Variants in TACR3 observed in about 807,000 individuals in gnomAD.
The protein encoded by TACR3 is tachykinin receptor 3.
A neutral mutation model predicts 35.0 loss-of-function variants in TACR3; 34 were observed. That is an observed-to-expected ratio of 0.97 (90% CI 0.74 to 1.30). TACR3 has a LOEUF of 1.30. Ranked by LOEUF, TACR3 falls within the 50% of genes most tolerant of loss-of-function variation. The probability of loss-of-function intolerance (pLI) is 0.00; values close to 1 mark genes in which losing one functional copy is unlikely to be tolerated. For missense variants in TACR3, 558 were observed against 591.7 expected (o/e 0.94, Z 0.59); for synonymous variants, 233 against 221.1 (o/e 1.05, Z -0.48).
At chr4:103,654,201 A>G (rs1218723866) in intron 3 of TACR3, among the ~76,000 whole-genome samples, 2 of 151,844 alleles carry the variant, frequency 1.3e-5, no homozygotes, top group Non-Finnish European at 2.9e-5. Context: ...TACTGGGTAT[A>G]TACCCAAAGG....
At chr4:103,594,803 G>A (rs78169972) in intron 3 of TACR3, among the ~76,000 whole-genome samples, 27 of 152,174 alleles carry the variant, frequency 1.8e-4, no homozygotes, top group Non-Finnish European at 2.6e-4. Context: ...AACTTCTTGC[G>A]AAAGATTTAT....
intron 2 of TACR3, among the ~76,000 whole-genome samples, chr4:103,657,798 C>A (rs57094434): frequency 0.12 from 18,716 of 151,952 alleles, 1,372 homozygotes; most frequent in Non-Finnish European, 0.17. Flanking sequence ...CAAACCAAAT[C>A]AAACCAAAAT....
At chr4:103,620,879 AT>A (rs1342370803) in intron 3 of TACR3, among the ~76,000 whole-genome samples, 1 of 133,622 alleles carries the variant, frequency 7.5e-6, no homozygotes, top group African/African-American at 3.2e-5. Context: ...TGTCTCTAAA[AT>A]AAAAGTTAAA....
At chr4:103,674,327 T>C (rs978072320) in intron 1 of TACR3, among the ~76,000 whole-genome samples, 11 of 151,752 alleles carry the variant, frequency 7.2e-5, no homozygotes, top group Admixed American at 1.3e-4. Flanking sequence ...TTTTTTTTTT[T>C]CTCTGTTGTT....
intron 1 of TACR3, among the ~76,000 whole-genome samples, chr4:103,715,797 G>A (rs908390714): frequency 4.6e-5 from 7 of 152,098 alleles, no homozygotes; most frequent in South Asian, 2.1e-4. Context: ...ACTATATGCC[G>A]TAAATGAATG....
chr4:103,700,395 T>C (rs1223901084), intron 1 of TACR3, among the ~76,000 whole-genome samples: 3 of 152,174 alleles, frequency 2.0e-5, no homozygotes, highest in Admixed American at 1.3e-4. Flanking sequence ...ATAGTCTTGA[T>C]ACTTGGGCAG....
At chr4:103,626,182 A>G (rs1185269416) in intron 3 of TACR3, among the ~76,000 whole-genome samples, 2 of 152,188 alleles carry the variant, frequency 1.3e-5, no homozygotes, top group East Asian at 1.9e-4. Flanking sequence ...TATGGGACAG[A>G]TGTGAACTGA....
At chr4:103,601,177 C>G (rs11724011) in intron 3 of TACR3, among the ~76,000 whole-genome samples, 85,268 of 151,894 alleles carry the variant, frequency 0.56, 25,354 homozygotes, top group Non-Finnish European at 0.65. Context: ...ATAGTTAGCT[C>G]TTCTTGTTGA....
At chr4:103,606,991 A>T (rs1273192420) in intron 3 of TACR3, among the ~76,000 whole-genome samples, 1 of 152,016 alleles carries the variant, frequency 6.6e-6, no homozygotes, top group Non-Finnish European at 1.5e-5. Flanking sequence ...TTTGAAATAC[A>T]TCCCATCAAT....
intron 3 of TACR3, among the ~76,000 whole-genome samples, chr4:103,598,393 T>C (rs1429775920): frequency 6.6e-6 from 1 of 152,236 alleles, no homozygotes; most frequent in Non-Finnish European, 1.5e-5. Flanking sequence ...CTTTCTCCCA[T>C]TCTGTAGGTT....
intron 3 of TACR3, 108 bp from the exon 4 acceptor site, chr4:103,591,791 T>C: frequency 9.4e-7 from 1 of 1,060,242 alleles, no homozygotes; most frequent in Non-Finnish European, 1.4e-6. Context: ...ACATCATGCC[T>C]AGGGAATAGT....
At chr4:103,690,472 C>G (rs1449299480) in intron 1 of TACR3, among the ~76,000 whole-genome samples, 2 of 151,960 alleles carry the variant, frequency 1.3e-5, no homozygotes, top group Admixed American at 6.6e-5. Flanking sequence ...TAACAAGAGA[C>G]CTTCAATATA....
intron 3 of TACR3, among the ~76,000 whole-genome samples, chr4:103,600,711 T>C (rs1724176075): frequency 6.6e-6 from 1 of 152,230 alleles, no homozygotes; most frequent in Non-Finnish European, 1.5e-5. Context: ...CTTCATTTCA[T>C]TATTTACCCA....
chr4:103,621,929 C>G (rs765719515), intron 3 of TACR3, among the ~76,000 whole-genome samples: 5 of 152,018 alleles, frequency 3.3e-5, no homozygotes, highest in Non-Finnish European at 5.9e-5. Context: ...ATGAGATTAT[C>G]CAAATGAGAT....
rs565374478 is a variant in TACR3 at position 103,700,502 on chromosome 4, T to G, written c.548+18626A>C. ...CTGTGTGACATAGCACAAGAAACAC[T>G]ACAAACACTGTGCTAATTTATCCCT... is the stretch of plus-strand genomic sequence containing the variant. On this transcript the variant is annotated intron_variant, in intron 1 of 4. Coordinates refer to ENST00000304883, the MANE Select transcript of TACR3 (RefSeq NM_001059.3). Among the ~76,000 whole-genome samples, 148 of 152,296 alleles carry G rather than the reference T, an allele frequency of 9.7e-4. 1 individual carries two copies. The South Asian group carries it at 0.023, about 24-fold the overall frequency.
At chr4:103,664,449 A>G (rs76735538) in intron 1 of TACR3, among the ~76,000 whole-genome samples, 3,000 of 152,278 alleles carry the variant, frequency 0.02, 48 homozygotes, top group Middle Eastern at 0.034. Flanking sequence ...AAGTTTTTCA[A>G]TGAAGACAGA....
At chr4:103,603,986 A>G (rs1560803119) in intron 3 of TACR3, among the ~76,000 whole-genome samples, 1 of 152,234 alleles carries the variant, frequency 6.6e-6, no homozygotes, top group Admixed American at 6.5e-5. Context: ...TATAGATTCA[A>G]TGCTATCCCC....
intron 3 of TACR3, among the ~76,000 whole-genome samples, chr4:103,629,419 G>A (rs1239271421): frequency 6.6e-6 from 1 of 152,100 alleles, no homozygotes; most frequent in Non-Finnish European, 1.5e-5. Context: ...ATCTCCTCAA[G>A]CTGATAAGCA....
At chr4:103,674,610 G>A (rs1726126922) in intron 1 of TACR3, among the ~76,000 whole-genome samples, 1 of 152,160 alleles carries the variant, frequency 6.6e-6, no homozygotes, top group Admixed American at 6.6e-5. Context: ...GGAGTGCAGT[G>A]GCACAATCTC....
Sources: allele counts gnomAD v4.1 joint callset (sites outside exome capture counted in the v4.1 genomes callset), GRCh38; gene constraint gnomAD v4.1.1; transcripts MANE v1.5; gene names NCBI Gene and HGNC (gene_info 2026-07-23, HGNC 2026-07-21).